Variants in LRPPRC observed in about 807,000 individuals in gnomAD.
The protein encoded by LRPPRC is leucine-rich PPR motif-containing protein, mitochondrial.
In LRPPRC, 120 loss-of-function variants were observed where a neutral mutation model predicts 180.3. That is an observed-to-expected ratio of 0.67 (90% CI 0.57 to 0.77). LRPPRC has a LOEUF of 0.77. Among genes scored for constraint, LRPPRC ranks in the 30% least tolerant of loss-of-function variants. The pLI is 0.00. For missense variants in LRPPRC, 2,012 were observed against 1,657.2 expected (o/e 1.21, Z -3.72); for synonymous variants, 723 against 600.0 (o/e 1.21, Z -3.00).
At position 43,888,658 on chromosome 2, in the gene LRPPRC, T is replaced by G; in HGVS notation, c.4129-2A>C. The G allele has an allele frequency of 6.3e-7, 1 of 1,577,518 alleles. No individual in the cohort carries two copies. The highest frequency in any genetic ancestry group is 1.1e-5 in the South Asian group (1 of 90,136). On this transcript the variant is annotated splice_acceptor_variant, in intron 37 of 37. Transcript: ENST00000260665. LOFTEE classifies it high-confidence loss of function. Reference sequence around the variant, plus strand: ...CTGTGCATAAAATTCAAAGCTTTCCTGTTAAGGAGAAAAAAAGAGGGAAGT... The same window carrying G: ...CTGTGCATAAAATTCAAAGCTTTCCGGTTAAGGAGAAAAAAAGAGGGAAGT...
intron 35 of LRPPRC, 84 bp downstream of exon 35, chr2:43,896,550 A>G: frequency 1.1e-6 from 1 of 910,600 alleles, no homozygotes; most frequent in African/African-American, 1.6e-5. Context: ...AGGTCCTGAA[A>G]CAACAGGCTT....
intron 11 of LRPPRC, among the ~76,000 whole-genome samples, chr2:43,966,001 T>C (rs1485266400): frequency 3.3e-5 from 5 of 152,194 alleles, no homozygotes; most frequent in Admixed American, 2.6e-4. Flanking sequence ...ATAAAATCAC[T>C]ATCTTGAAGA....
intron 11 of LRPPRC, among the ~76,000 whole-genome samples, chr2:43,969,812 A>G (rs577061855): frequency 1.3e-5 from 2 of 152,134 alleles, no homozygotes; most frequent in African/African-American, 4.8e-5. Flanking sequence ...CCTCCCAAGC[A>G]GCTAGGAGTA....
intron 11 of LRPPRC, among the ~76,000 whole-genome samples, chr2:43,971,484 G>GCAAAAAAAA (rs1673801951): frequency 2.1e-4 from 1 of 4,774 alleles, no homozygotes; most frequent in African/African-American, 2.4e-3. Context: ...CTGTGTCACA[G>GCAAAAAAAA]TAAAAAAAAA....
rs778484418 is a variant in LRPPRC, at chr2:43,899,264, T to C, written c.3780A>G (p.Gln1260=). 4 of 1,614,054 alleles carry C rather than the reference T, an allele frequency of 2.5e-6. No homozygotes were observed. Among genetic ancestry groups the C allele is most frequent in the South Asian group, 2.2e-5 (2 of 91,066 alleles). ...IYKPVTDFFL[Q]LVDAGKVDDA... is the part of the protein sequence containing the mutation. ...CATCCACCTTGCCTGCATCCACAAG[T>C]TGAAGGAAAAAATCAGTGACAGGTT... The change falls in exon 34 of 38, where the codon CAA becomes CAG. Residue 1260 remains glutamine, a synonymous_variant. Transcript: ENST00000260665.
At chr2:43,954,373 A>C (rs1055691357) in intron 14 of LRPPRC, among the ~76,000 whole-genome samples, 1 of 152,238 alleles carries the variant, frequency 6.6e-6, no homozygotes, top group Non-Finnish European at 1.5e-5. Context: ...AGTTAGGAAG[A>C]TGCAAATTGA....
At chr2:43,932,559 C>T (rs1373856126) in intron 25 of LRPPRC, among the ~76,000 whole-genome samples, 1 of 152,150 alleles carries the variant, frequency 6.6e-6, no homozygotes, top group Non-Finnish European at 1.5e-5. Flanking sequence ...AATTAAGAGG[C>T]AGTCTTCTCT....
In LRPPRC at chr2:43,973,640, G is replaced by T; in HGVS notation, c.1336C>A (p.Leu446Ile). Residue 446 changes from leucine (L) to isoleucine (I), a missense_variant, in exon 11 of 38, where the codon CTA becomes ATA. Transcript: ENST00000260665. Reference protein sequence around the residue: ...PIRPHYFWPLLVGRRKEKNVQ... With the variant: ...PIRPHYFWPLIVGRRKEKNVQ... ...TTTTTTTCCTTCCGACGTCCAACTA[G>T]CAATGGCCAGAAATAGTGAGGTCTG... 6.2e-7 allele frequency: 1 copy of T among 1,613,890 alleles called. No individual in the cohort carries two copies. Among genetic ancestry groups the T allele is most frequent in the Non-Finnish European group, 8.5e-7 (1 of 1,179,790 alleles).
chr2:43,969,599 C>T (rs934054518), intron 11 of LRPPRC, among the ~76,000 whole-genome samples: 1 of 152,006 alleles, frequency 6.6e-6, no homozygotes, highest in Non-Finnish European at 1.5e-5. Flanking sequence ...AATAAAGCTC[C>T]CCACTTAACT....
intron 16 of LRPPRC, among the ~76,000 whole-genome samples, chr2:43,949,237 C>T (rs982564283): frequency 4.6e-5 from 7 of 152,158 alleles, no homozygotes; most frequent in Middle Eastern, 3.4e-3. Flanking sequence ...TACATTTAAG[C>T]GGAAATCCAC....
At chr2:43,932,066 G>T (rs1014154209) in intron 25 of LRPPRC, among the ~76,000 whole-genome samples, 2 of 128,050 alleles carry the variant, frequency 1.6e-5, no homozygotes, top group African/African-American at 6.0e-5. Flanking sequence ...GATCAAGGCT[G>T]CAGTAAGCTA....
rs758726541 is a variant in LRPPRC at position 43,899,448 on chromosome 2, C to T, written c.3709+18G>A. On this transcript the variant is annotated intron_variant, in intron 33 of 37. Transcript: ENST00000260665. ...GAAAATGTGCTTGTGTGTTCTTTAG[C>T]ACAAACAACTAACTTACTCTTTTCA... 6 of 1,614,014 alleles carry T rather than the reference C, an allele frequency of 3.7e-6. No homozygotes were observed. In the South Asian group the frequency reaches 6.6e-5, roughly 18 times the overall value.
intron 37 of LRPPRC, among the ~76,000 whole-genome samples, 179 bp from the exon 38 acceptor site, chr2:43,888,835 C>T (rs1221479394): frequency 6.6e-6 from 1 of 152,054 alleles, no homozygotes; most frequent in Non-Finnish European, 1.5e-5. Context: ...TCAAGGGCCT[C>T]GGGTTCAGAG....
intron 37 of LRPPRC, 114 bp from the exon 38 acceptor site, chr2:43,888,770 A>C: frequency 1.5e-6 from 1 of 689,146 alleles, no homozygotes; most frequent in Non-Finnish European, 2.7e-6. Context: ...AGGCCCATGG[A>C]AGATGCTGCC....
chr2:43,974,034 C>T (rs945248142), intron 9 of LRPPRC, 116 bp downstream of exon 9: 1 of 1,241,410 alleles, frequency 8.1e-7, no homozygotes, highest in Non-Finnish European at 1.2e-6. Flanking sequence ...TCTTGCAACA[C>T]AAGAACATTG....
At chr2:43,949,496 T>G in intron 16 of LRPPRC, 106 bp downstream of exon 16, 1 of 800,072 alleles carries the variant, frequency 1.2e-6, no homozygotes, top group South Asian at 1.5e-5. Flanking sequence ...GTTTTCAAAT[T>G]CCACTTTAAA....
At position 43,976,860 on chromosome 2, in the gene LRPPRC, A is replaced by C. The variant is rs1674079917; in HGVS notation, c.650+134T>G. 4.3e-6 allele frequency: 3 copies of C among 700,572 alleles called. No homozygotes were observed. The East Asian group carries it at 8.2e-5, about 19-fold the overall frequency. 43.4% of individuals were successfully genotyped at this position (700,572 alleles called of 1,614,324 possible). A position where few individuals can be genotyped will look rare whatever the true frequency, so the allele number is the denominator to read the frequency against. On this transcript the variant is annotated intron_variant, in intron 5 of 37. Transcript: ENST00000260665. ...TATATTTTATGTAAGTCAGATTACC[A>C]GATTTTCTAGATTAAAACAGTTCTG...
intron 26 of LRPPRC, 116 bp from the exon 27 acceptor site, chr2:43,925,273 C>T: frequency 2.7e-6 from 2 of 743,390 alleles, no homozygotes; most frequent in Non-Finnish European, 4.9e-6. Context: ...AGTTGAACTT[C>T]ATTTCAAAAG....
rs116761124 is a variant in LRPPRC, at chr2:43,995,525, G to A, written c.149+274C>T. Among the ~76,000 whole-genome samples the A allele has an allele frequency of 6.0e-3, 914 of 152,348 alleles. 9 individuals carry two copies. The highest frequency in any genetic ancestry group is 0.021 in the African/African-American group (870 of 41,590). On this transcript the variant is annotated intron_variant, in intron 1 of 37. Coordinates refer to ENST00000260665, the MANE Select transcript of LRPPRC (RefSeq NM_133259.4). ...AGCCCCCCTCATCTTCGTTGACCAT[G>A]GGTACCCCGAGGGCAGTAAGGTCCA...
Sources: allele counts gnomAD v4.1 joint callset (sites outside exome capture counted in the v4.1 genomes callset), GRCh38; gene constraint gnomAD v4.1.1; transcripts MANE v1.5; gene names NCBI Gene and HGNC (gene_info 2026-07-23, HGNC 2026-07-21).